Variants in FHIP2B observed in about 807,000 individuals in gnomAD.
FHIP2B encodes the protein FHF complex subunit HOOK-interacting protein 2B.
A neutral mutation model predicts 84.0 loss-of-function variants in FHIP2B; 72 were observed. The ratio of observed to expected loss-of-function variants is 0.86; its 90% CI spans 0.71 to 1.04. FHIP2B has a LOEUF of 1.04. Among genes scored for constraint, FHIP2B ranks in the 50% least tolerant of loss-of-function variants. FHIP2B has a pLI of 0.00. For synonymous variants in FHIP2B, 497 were observed against 418.7 expected, an observed-to-expected ratio of 1.19 and a Z score of -2.28; for missense variants, 972 against 968.9, an observed-to-expected ratio of 1.00 and a Z score of -0.04.
chr8:22,097,165 A>C, intron 3 of FHIP2B: 1 of 349,130 alleles, frequency 2.9e-6, no homozygotes. Flanking sequence ...TGTGAGTGCC[A>C]GGAAGGCTAG....
intron 16 of FHIP2B, 74 bp from the exon 17 acceptor site, chr8:22,102,719 G>A (rs1479429557): frequency 1.2e-5 from 19 of 1,603,014 alleles, no homozygotes; most frequent in Middle Eastern, 1.7e-4. Flanking sequence ...GTCAAGCCTC[G>A]TGGATGCTGG....
chr8:22,098,836 C>A, intron 7 of FHIP2B, 112 bp from the exon 8 acceptor site: 1 of 1,036,586 alleles, frequency 9.6e-7, no homozygotes, highest in Non-Finnish European at 1.4e-6. Flanking sequence ...TAACTGATCC[C>A]CAGCCACAGA....
intron 7 of FHIP2B, 133 bp downstream of exon 7, chr8:22,098,752 G>C: frequency 1.0e-5 from 11 of 1,070,854 alleles, no homozygotes; most frequent in Non-Finnish European, 1.5e-5. Flanking sequence ...CAAGGCTGCA[G>C]CTGATCCCCA....
At chr8:22,089,878 G>T in intron 1 of FHIP2B, 1 of 1,258,222 alleles carries the variant, frequency 7.9e-7, no homozygotes. Context: ...GCAGGCTGGT[G>T]GGCCCCCAGC....
At position 22,089,292 on chromosome 8, in the gene FHIP2B, G is replaced by T. The variant is rs1825332636; in HGVS notation, c.39G>T (p.Val13=). The T allele has an allele frequency of 4.8e-6, 5 of 1,035,404 alleles. No homozygotes were observed. Among genetic ancestry groups the T allele is most frequent in the East Asian group, 8.1e-5 (1 of 12,336 alleles). The allele number at this position is 1,035,404 out of a possible 1,614,324, so 64.1% of individuals were successfully genotyped here. The part of the protein sequence containing the change: ...SRLGALLQEA[V]GAREPSIDLL... ...TCGGGGCGCTGCTGCAGGAAGCCGT[G>T]GGGGCGGTGAGGCCGGCAGGGCCGG... The change falls in exon 1 of 17, where the codon GTG becomes GTT. Residue 13 remains valine (V), a synonymous_variant. Transcript: ENST00000289921.
At position 22,101,147 on chromosome 8, in the gene FHIP2B, C is replaced by T. The variant is rs1319468279; in HGVS notation, c.1616+175C>T. ...AAGCGATTCCTGTGCCTCAGCCTCC[C>T]GAGTACCTGGGATTACAGACATGCA... On this transcript the variant is annotated intron_variant, in intron 12 of 16. Coordinates refer to ENST00000289921, the MANE Select transcript of FHIP2B (RefSeq NM_022749.7). 18 of 797,032 alleles carry T rather than the reference C, an allele frequency of 2.3e-5. 1 individual carries two copies. In the South Asian group the frequency reaches 2.4e-4, roughly 11 times the overall value. The allele number at this position is 797,032 out of a possible 1,614,324, so 49.4% of individuals were successfully genotyped here. A position where few individuals can be genotyped will look rare whatever the true frequency, so the allele number is the denominator to read the frequency against.
chr8:22,103,204 G>C lies in FHIP2B; in HGVS notation c.*273G>C. 4.0e-6 allele frequency: 2 copies of C among 502,760 alleles called. No homozygotes were observed. The highest frequency in any genetic ancestry group is 3.7e-5 in the East Asian group (1 of 27,396). The allele number at this position is 502,760 out of a possible 1,614,324, so 31.1% of individuals were successfully genotyped here. ...CAGCCAGGTGAGCACCCAGACCCCA[G>C]ACCCTCATGTGCTGTGTGCCTGGCC... On this transcript the variant is annotated 3_prime_UTR_variant, in exon 17 of 17. Coordinates refer to ENST00000289921, the MANE Select transcript of FHIP2B (RefSeq NM_022749.7).
In FHIP2B at chr8:22,097,625, G is replaced by A. The variant is rs1283900324; in HGVS notation, c.402+5G>A. Reference sequence around the variant, plus strand: ...AGCGTCCACAGGCCTGTGCAGGTGAGGGGCCCGGAAGCCAAGGGGTGTCTG... The same window carrying A: ...AGCGTCCACAGGCCTGTGCAGGTGAAGGGCCCGGAAGCCAAGGGGTGTCTG... On this transcript the variant is annotated splice_donor_5th_base_variant and intron_variant, in intron 4 of 16. Transcript: ENST00000289921. The A allele has an allele frequency of 2.5e-5, 40 of 1,604,568 alleles. No individual in the cohort carries two copies. Among genetic ancestry groups the A allele is most frequent in the Non-Finnish European group, 3.3e-5 (39 of 1,176,010 alleles).
chr8:22,098,943 T>G lies in FHIP2B; in HGVS notation c.966-5T>G. Reference sequence around the variant, plus strand: ...CTCTGAGACTTCACTCCCCTCTTCCTTCAGGTTACCCAGTGCCCCGTCTGA... The same window carrying G: ...CTCTGAGACTTCACTCCCCTCTTCCGTCAGGTTACCCAGTGCCCCGTCTGA... On this transcript the variant is annotated splice_polypyrimidine_tract_variant and splice_region_variant and intron_variant, in intron 7 of 16. Coordinates refer to ENST00000289921, the MANE Select transcript of FHIP2B (RefSeq NM_022749.7). The G allele has an allele frequency of 1.3e-6, 2 of 1,597,774 alleles. No homozygotes were observed. Among genetic ancestry groups the G allele is most frequent in the African/African-American group, 1.3e-5 (1 of 74,822 alleles).
Position 22,102,774 on chromosome 8 carries a change from CT to C in FHIP2B, c.2094-18del, listed in dbSNP as rs752228454. ...TCCTGCCCCCACCCAGCCATGCCCC[CT>C]GTGCCATCTCCCCTCAGGCTGGACC... On this transcript the variant is annotated intron_variant, in intron 16 of 16. Transcript: ENST00000289921. 1 of 1,611,996 alleles carries C rather than the reference CT, an allele frequency of 6.2e-7. No homozygotes were observed. The highest frequency in any genetic ancestry group is 1.7e-5 in the Admixed American group (1 of 59,928).
intron 3 of FHIP2B, 113 bp from the exon 4 acceptor site, chr8:22,097,403 C>T (rs376352189): frequency 8.5e-5 from 55 of 645,232 alleles, no homozygotes; most frequent in East Asian, 6.6e-4. Context: ...CCCAGGCATG[C>T]GGCAGGCAGG....
intron 1 of FHIP2B, among the ~76,000 whole-genome samples, chr8:22,091,583 GT>G (rs1298004193): frequency 6.6e-6 from 1 of 152,164 alleles, no homozygotes; most frequent in Non-Finnish European, 1.5e-5. Context: ...GTTGGGTCTA[GT>G]GCCTTTGGTT....
intron 9 of FHIP2B, among the ~76,000 whole-genome samples, 152 bp downstream of exon 9, chr8:22,099,512 T>C (rs1173057228): frequency 1.3e-5 from 2 of 152,202 alleles, no homozygotes; most frequent in East Asian, 3.9e-4. Context: ...TGCCCCATGA[T>C]GTGCACGTGG....
chr8:22,092,540 C>G (rs567477786), intron 1 of FHIP2B, among the ~76,000 whole-genome samples: 1 of 148,874 alleles, frequency 6.7e-6, no homozygotes, highest in African/African-American at 2.5e-5. Context: ...TGCCACTGCA[C>G]TCTAGCCTCA....
At chr8:22,102,341 T>G (rs1250448249) in intron 15 of FHIP2B, 26 bp downstream of exon 15, 2 of 1,593,640 alleles carry the variant, frequency 1.3e-6, no homozygotes, top group Admixed American at 1.7e-5. Context: ...CCCAAGGGAG[T>G]GTGCCTAGTG....
chr8:22,099,267 C>T lies in FHIP2B; in HGVS notation c.1075-17C>T, dbSNP rs368750146. 24 of 1,612,630 alleles carry T rather than the reference C, an allele frequency of 1.5e-5. No individual in the cohort carries two copies. Among genetic ancestry groups the T allele is most frequent in the African/African-American group, 5.3e-5 (4 of 74,914 alleles). The stretch of plus-strand genomic sequence containing the variant: ...TTGTAATGAGGGCAAAACACATTGG[C>T]GCTCTCTGGCACCCAGGTGGTTGCG... On this transcript the variant is annotated splice_polypyrimidine_tract_variant and intron_variant, in intron 8 of 16. Transcript: ENST00000289921.
At chr8:22,097,456 C>A in intron 3 of FHIP2B, 60 bp from the exon 4 acceptor site, 2 of 1,484,626 alleles carry the variant, frequency 1.3e-6, no homozygotes, top group South Asian at 2.4e-5. Context: ...CCTCAGTACC[C>A]GCCAGGCATG....
intron 8 of FHIP2B, 23 bp from the exon 9 acceptor site, chr8:22,099,261 C>T (rs763543931): frequency 6.2e-7 from 1 of 1,612,358 alleles, no homozygotes; most frequent in Admixed American, 1.7e-5. Flanking sequence ...GGGCAAAACA[C>T]ATTGGCGCTC....
Position 22,103,088 on chromosome 8 carries a change from C to A in FHIP2B, c.*157C>A. ...ATGTTGACCACACCAGACTGGGTTT[C>A]AGGGAATGGGCATGCCAGGTGCCAA... On this transcript the variant is annotated 3_prime_UTR_variant, in exon 17 of 17. Coordinates refer to ENST00000289921, the MANE Select transcript of FHIP2B (RefSeq NM_022749.7). 3 of 999,332 alleles carry A rather than the reference C, an allele frequency of 3.0e-6. No individual in the cohort carries two copies. The highest frequency in any genetic ancestry group is 4.3e-6 in the Non-Finnish European group (3 of 701,032). 61.9% of individuals were successfully genotyped at this position (999,332 alleles called of 1,614,324 possible).
Sources: allele counts gnomAD v4.1 joint callset (sites outside exome capture counted in the v4.1 genomes callset), GRCh38; gene constraint gnomAD v4.1.1; transcripts MANE v1.5; gene names NCBI Gene and HGNC (gene_info 2026-07-23, HGNC 2026-07-21).